The following NAV3 variants were observed in gnomAD, a reference collection of about 807,000 sequenced individuals.
The protein encoded by NAV3 is pore membrane and/or filament interacting like protein 1.
In NAV3, 87 loss-of-function variants were observed where a neutral mutation model predicts 244.7. The observed-to-expected ratio is 0.36, with a 90% confidence interval of 0.30 to 0.42. The LOEUF is 0.42. NAV3 is among the 20% of genes least tolerant of loss of function. NAV3 has a pLI of 1.00. For synonymous variants in NAV3, 1,126 were observed against 1,042.2 expected, an observed-to-expected ratio of 1.08 and a Z score of -1.55; for missense variants, 2,663 against 2,893.3, an observed-to-expected ratio of 0.92 and a Z score of 1.83.
At chr12:78,149,599 C>T (rs1327323363) in intron 22 of NAV3, among the ~76,000 whole-genome samples, 1 of 152,042 alleles carries the variant, frequency 6.6e-6, no homozygotes, top group Non-Finnish European at 1.5e-5. Flanking sequence ...TGTTCCCAGT[C>T]CTGAGGAGCA....
intron 2 of NAV3, among the ~76,000 whole-genome samples, chr12:77,722,977 AT>A (rs1450093718): frequency 2.0e-5 from 3 of 152,110 alleles, no homozygotes; most frequent in African/African-American, 4.8e-5. Flanking sequence ...TCTGAATATG[AT>A]TTTTTGAGGG....
intron 2 of NAV3, among the ~76,000 whole-genome samples, chr12:77,784,278 C>G (rs1870804021): frequency 6.6e-6 from 1 of 152,084 alleles, no homozygotes; most frequent in African/African-American, 2.4e-5. Context: ...CAAACTGATC[C>G]TGCTGGGCCT....
chr12:77,721,764 A>G (rs866105537), intron 2 of NAV3, among the ~76,000 whole-genome samples: 1 of 152,144 alleles, frequency 6.6e-6, no homozygotes, highest in South Asian at 2.1e-4. Context: ...AGCAATTTAC[A>G]TGGCACATTT....
At chr12:77,698,065 G>C (rs1358543357) in intron 2 of NAV3, among the ~76,000 whole-genome samples, 1 of 151,910 alleles carries the variant, frequency 6.6e-6, no homozygotes, top group Non-Finnish European at 1.5e-5. Context: ...AAAATAAACT[G>C]TCATCAGATT....
chr12:78,108,078 GAC>G (rs1480909514), intron 12 of NAV3, among the ~76,000 whole-genome samples: 1 of 152,080 alleles, frequency 6.6e-6, no homozygotes, highest in African/African-American at 2.4e-5. Flanking sequence ...TTACCAGGCA[GAC>G]ATACATAGGC....
intron 3 of NAV3, among the ~76,000 whole-genome samples, chr12:77,963,964 T>C (rs1386405467): frequency 2.2e-5 from 3 of 136,420 alleles, no homozygotes; most frequent in African/African-American, 8.2e-5. Context: ...TCCTCCTCCT[T>C]CACCCTCCCC....
intron 1 of NAV3, among the ~76,000 whole-genome samples, chr12:77,911,890 A>G (rs1342475721): frequency 1.3e-5 from 2 of 152,038 alleles, no homozygotes; most frequent in African/African-American, 4.8e-5. Context: ...GGGTGTTCAG[A>G]CCCCAGTTTC....
intron 2 of NAV3, among the ~76,000 whole-genome samples, chr12:77,940,874 A>G (rs183007937): frequency 3.3e-4 from 48 of 144,712 alleles, no homozygotes; most frequent in African/African-American, 1.2e-3. Context: ...CTTCTCACTC[A>G]TTTTTTTTTT....
chr12:77,639,009 T>G (rs1220028921), intron 2 of NAV3, among the ~76,000 whole-genome samples: 2 of 152,108 alleles, frequency 1.3e-5, no homozygotes, highest in Non-Finnish European at 2.9e-5. Flanking sequence ...GGGGTAATGG[T>G]GTGTATATAT....
At chr12:77,851,466 T>G (rs1486896109) in intron 1 of NAV3, among the ~76,000 whole-genome samples, 4 of 152,172 alleles carry the variant, frequency 2.6e-5, no homozygotes, top group Non-Finnish European at 4.4e-5. Flanking sequence ...TTCTTGAATT[T>G]GGAAAACACT....
chr12:78,027,660 A>G (rs1878294504), intron 9 of NAV3, among the ~76,000 whole-genome samples: 2 of 152,106 alleles, frequency 1.3e-5, no homozygotes, highest in South Asian at 2.1e-4. Context: ...TTCTCAGGGG[A>G]AAAAATAGTC....
At chr12:78,208,654 T>G (rs936064598) in intron 39 of NAV3, among the ~76,000 whole-genome samples, 1 of 152,190 alleles carries the variant, frequency 6.6e-6, no homozygotes, top group Admixed American at 6.6e-5. Flanking sequence ...ACATATTTAC[T>G]ATATGACACC....
At chr12:77,867,303 CT>C (rs1880195984) in intron 1 of NAV3, among the ~76,000 whole-genome samples, 2 of 152,196 alleles carry the variant, frequency 1.3e-5, no homozygotes, top group African/African-American at 4.8e-5. Context: ...TAAGTCGTGC[CT>C]TTCGCCTTCT....
intron 12 of NAV3, among the ~76,000 whole-genome samples, chr12:78,103,207 C>T (rs963654076): frequency 1.3e-5 from 2 of 152,190 alleles, no homozygotes; most frequent in African/African-American, 4.8e-5. Context: ...TTTCTTCTGT[C>T]AGATACCCTA....
intron 5 of NAV3, among the ~76,000 whole-genome samples, chr12:77,991,378 A>G (rs1472827896): frequency 6.6e-6 from 1 of 152,178 alleles, no homozygotes; most frequent in Non-Finnish European, 1.5e-5. Flanking sequence ...CTATGATAGT[A>G]TTGGTACATT....
rs1593783436 is a variant in NAV3, at chr12:78,146,351, C to T, written c.4684-18C>T. On this transcript the variant is annotated intron_variant, in intron 20 of 39. Coordinates refer to ENST00000397909, the MANE Select transcript of NAV3 (RefSeq NM_001024383.2). ...AATAGTTTTTATAGTTAAAGTCTTT[C>T]TTTTTATTGTTTTACAGGCTGAAGA... 4 of 1,054,238 alleles carry T rather than the reference C, an allele frequency of 3.8e-6. No homozygotes were observed. The highest frequency in any genetic ancestry group is 2.7e-5 in the East Asian group (1 of 37,556). 65.3% of individuals were successfully genotyped at this position (1,054,238 alleles called of 1,614,324 possible).
At chr12:77,990,542 C>T (rs938406933) in intron 5 of NAV3, among the ~76,000 whole-genome samples, 1 of 152,172 alleles carries the variant, frequency 6.6e-6, no homozygotes, top group Non-Finnish European at 1.5e-5. Flanking sequence ...GATTTTAAAA[C>T]TGTGAGGATC....
intron 2 of NAV3, among the ~76,000 whole-genome samples, chr12:77,737,530 G>A (rs879400437): frequency 6.6e-6 from 1 of 151,994 alleles, no homozygotes; most frequent in Non-Finnish European, 1.5e-5. Context: ...GCTGTACACC[G>A]AGGATTAAGA....
chr12:77,839,086 A>G (rs1212809309), intron 1 of NAV3, among the ~76,000 whole-genome samples: 1 of 152,164 alleles, frequency 6.6e-6, no homozygotes, highest in African/African-American at 2.4e-5. Flanking sequence ...AGGCATAGGG[A>G]TAGAGTCTGT....
Sources: allele counts gnomAD v4.1 joint callset (sites outside exome capture counted in the v4.1 genomes callset), GRCh38; gene constraint gnomAD v4.1.1; transcripts MANE v1.5; gene names NCBI Gene and HGNC (gene_info 2026-07-23, HGNC 2026-07-21).